The following RABGAP1L variants were observed in gnomAD, a reference collection of about 807,000 sequenced individuals.
The protein encoded by RABGAP1L is RAB GTPase activating protein 1 like.
A neutral mutation model predicts 137.7 loss-of-function variants in RABGAP1L; 63 were observed. The ratio of observed to expected loss-of-function variants is 0.46; its 90% CI spans 0.37 to 0.56. The LOEUF (loss-of-function observed/expected upper bound fraction) is 0.56, where lower values mean the gene tolerates loss of function less well. Ranked by LOEUF, RABGAP1L falls within the 20% of genes least tolerant of loss-of-function variation. RABGAP1L has a pLI of 0.00. For missense variants in RABGAP1L, 1,095 were observed against 1,244.0 expected, an observed-to-expected ratio of 0.88 and a Z score of 1.80; for synonymous variants, 431 against 433.7, an observed-to-expected ratio of 0.99 and a Z score of 0.08.
chr1:174,906,702 C>G (rs1012023633), intron 19 of RABGAP1L, among the ~76,000 whole-genome samples: 1 of 151,896 alleles, frequency 6.6e-6, no homozygotes, highest in Non-Finnish European at 1.5e-5. Context: ...GATCACTAAA[C>G]AGATTCAACC....
intron 17 of RABGAP1L, chr1:174,705,143 A>G (rs1314484742): frequency 6.6e-6 from 1 of 152,134 alleles, no homozygotes; most frequent in Non-Finnish European, 1.5e-5. Context: ...AAAAGGGAAT[A>G]AAATTAATGT....
intron 13 of RABGAP1L, among the ~76,000 whole-genome samples, chr1:174,413,025 G>A (rs942917070): frequency 2.0e-5 from 3 of 152,048 alleles, no homozygotes; most frequent in African/African-American, 7.2e-5. Flanking sequence ...GATTAGGGAA[G>A]TTTTCTTGAA....
chr1:174,744,934 T>G (rs1025141363), intron 17 of RABGAP1L, among the ~76,000 whole-genome samples: 36 of 152,348 alleles, frequency 2.4e-4, no homozygotes, highest in African/African-American at 7.9e-4. Context: ...ATGTAGGACT[T>G]CTTGGTACTG....
At chr1:174,821,972 T>G (rs1691070072) in intron 19 of RABGAP1L, among the ~76,000 whole-genome samples, 1 of 152,104 alleles carries the variant, frequency 6.6e-6, no homozygotes, top group Admixed American at 6.6e-5. Context: ...ATTAACACAT[T>G]GATAATAAAG....
intron 19 of RABGAP1L, among the ~76,000 whole-genome samples, chr1:174,858,466 T>G (rs1649683121): frequency 6.6e-6 from 1 of 152,178 alleles, no homozygotes; most frequent in South Asian, 2.1e-4. Flanking sequence ...GGCCAATGAT[T>G]GTGCAAAGCA....
intron 14 of RABGAP1L, among the ~76,000 whole-genome samples, chr1:174,663,996 T>C (rs559718285): frequency 1.3e-5 from 2 of 152,290 alleles, no homozygotes; most frequent in South Asian, 4.1e-4. Context: ...AAATACACAT[T>C]ACGTAAGCTT....
Position 174,251,266 on chromosome 1 carries a change from T to C in RABGAP1L, c.875+634T>C, listed in dbSNP as rs576220629. On this transcript the variant is annotated intron_variant, in intron 6 of 25. Transcript: ENST00000681986. ...GGGAATTTTTACACAATTGTATATA[T>C]ATACCTTTTTTTTTTCTTTATGTTA... is the stretch of plus-strand genomic sequence containing the variant. 1.1e-4 allele frequency among the ~76,000 whole-genome samples: 16 copies of C among 152,246 alleles called. No homozygotes were observed. The East Asian group carries it at 1.9e-3, about 18-fold the overall frequency.
In RABGAP1L at chr1:174,797,247, A is replaced by G. The variant is rs527753337; in HGVS notation, c.2212-14585A>G. ...GTGGAAACATCTTCCCTACCCTTTAAAAAGTCAACTAGAAAAAAATCCTAT... is the reference window on the plus strand; with the variant it reads ...GTGGAAACATCTTCCCTACCCTTTAGAAAGTCAACTAGAAAAAAATCCTAT... On this transcript the variant is annotated intron_variant, in intron 18 of 25. Coordinates refer to ENST00000681986, the MANE Select transcript of RABGAP1L (RefSeq NM_001366446.1). Among the ~76,000 whole-genome samples the G allele has an allele frequency of 4.6e-5, 7 of 152,202 alleles. No homozygotes were observed. In the South Asian group the frequency reaches 1.5e-3, roughly 32 times the overall value.
intron 14 of RABGAP1L, among the ~76,000 whole-genome samples, chr1:174,671,049 C>T (rs909885898): frequency 2.6e-5 from 4 of 152,086 alleles, no homozygotes; most frequent in Non-Finnish European, 5.9e-5. Context: ...TTCTTGCCAG[C>T]ATTTGTTATT....
chr1:174,362,878 T>C (rs183439994), intron 11 of RABGAP1L, among the ~76,000 whole-genome samples: 13 of 152,314 alleles, frequency 8.5e-5, no homozygotes, highest in African/African-American at 3.1e-4. Context: ...ATGTCTCGAA[T>C]GGTATTGCTG....
chr1:174,400,148 G>A (rs1648393023), intron 13 of RABGAP1L, among the ~76,000 whole-genome samples: 1 of 152,154 alleles, frequency 6.6e-6, no homozygotes, highest in South Asian at 2.1e-4. Flanking sequence ...ATACATCAAA[G>A]AATGGTATAC....
At chr1:174,471,732 G>A (rs1657961101) in intron 13 of RABGAP1L, among the ~76,000 whole-genome samples, 1 of 152,154 alleles carries the variant, frequency 6.6e-6, no homozygotes, top group African/African-American at 2.4e-5. Flanking sequence ...ACTTAATCTG[G>A]CTGCAGCGTG....
At chr1:174,859,964 TTTTTTTTTTTTTC>T (rs1331828578) in intron 19 of RABGAP1L, among the ~76,000 whole-genome samples, 2 of 127,416 alleles carry the variant, frequency 1.6e-5, no homozygotes, top group African/African-American at 4.0e-5. Flanking sequence ...TTTTTTTTTT[TTTTTTTTTTTTTC>T]CAAATAAAGT....
chr1:174,879,855 G>A (rs549989548), intron 19 of RABGAP1L, among the ~76,000 whole-genome samples: 43 of 152,266 alleles, frequency 2.8e-4, no homozygotes, highest in Admixed American at 2.5e-3. Context: ...ACTTCGGGAG[G>A]CTGAAGCAGG....
intron 18 of RABGAP1L, among the ~76,000 whole-genome samples, chr1:174,786,106 AGG>A (rs1465279463): frequency 1.3e-5 from 2 of 152,196 alleles, no homozygotes; most frequent in Non-Finnish European, 2.9e-5. Context: ...CTTGTAGAGG[AGG>A]AGTGTGGAAG....
intron 11 of RABGAP1L, among the ~76,000 whole-genome samples, chr1:174,370,416 T>C (rs979471481): frequency 5.3e-5 from 8 of 151,438 alleles, no homozygotes; most frequent in African/African-American, 1.9e-4. Flanking sequence ...GTTTGTAAAA[T>C]TGCCATATAA....
chr1:174,464,718 A>G lies in RABGAP1L; in HGVS notation c.1710+70573A>G, dbSNP rs180874511. On this transcript the variant is annotated intron_variant, in intron 13 of 25. Coordinates refer to ENST00000681986, the MANE Select transcript of RABGAP1L (RefSeq NM_001366446.1). ...ATTTAGAATCCAGTTTATACACTTC[A>G]TTCTTCACTGTCTTTTAAGATTCTT... Among the ~76,000 whole-genome samples, 177 of 151,758 alleles carry G rather than the reference A, an allele frequency of 1.2e-3. 1 individual carries two copies. Among genetic ancestry groups the G allele is most frequent in the African/African-American group, 4.2e-3 (173 of 41,408 alleles).
At chr1:174,458,652 A>G (rs945463986) in intron 13 of RABGAP1L, among the ~76,000 whole-genome samples, 1 of 152,040 alleles carries the variant, frequency 6.6e-6, no homozygotes, top group Non-Finnish European at 1.5e-5. Flanking sequence ...TTATATTTAG[A>G]TTTTTCCTAC....
intron 11 of RABGAP1L, among the ~76,000 whole-genome samples, chr1:174,341,138 G>A (rs572441637): frequency 5.3e-5 from 8 of 151,880 alleles, no homozygotes; most frequent in Non-Finnish European, 8.8e-5. Flanking sequence ...TTAAGTTCCT[G>A]GTAGACTCTG....
Sources: gnomAD v4.1 joint callset for allele counts (sites outside exome capture counted in the v4.1 genomes callset) on GRCh38, gnomAD v4.1.1 for gene constraint, MANE v1.5 for transcripts, NCBI Gene and HGNC (gene_info 2026-07-23, HGNC 2026-07-21) for gene names.